Variants in SCFD2 observed in about 807,000 individuals in gnomAD.
SCFD2 encodes sec1 family domain-containing protein 2.
SCFD2 carries 54 observed loss-of-function variants against 58.9 expected under a neutral mutation model. The observed-to-expected ratio is 0.92, with a 90% CI of 0.74 to 1.15. SCFD2 has a LOEUF of 1.15. Among genes scored for constraint, SCFD2 ranks in the 50% most tolerant of loss-of-function variants. SCFD2 has a pLI of 0.00. For missense variants in SCFD2, 805 were observed against 836.6 expected (o/e 0.96, Z 0.47); for synonymous variants, 321 against 335.9 (o/e 0.96, Z 0.49).
intron 5 of SCFD2, among the ~76,000 whole-genome samples, chr4:53,123,677 A>G (rs1725547739): frequency 6.6e-6 from 1 of 152,190 alleles, no homozygotes. Context: ...CCACTCATTG[A>G]CCTAGGACCT....
intron 5 of SCFD2, among the ~76,000 whole-genome samples, chr4:53,083,685 A>G (rs1213762093): frequency 6.6e-6 from 1 of 152,186 alleles, no homozygotes; most frequent in Non-Finnish European, 1.5e-5. Context: ...AAATAAAGAG[A>G]GACAGTACAA....
chr4:53,208,335 T>C (rs1333166577), intron 4 of SCFD2, among the ~76,000 whole-genome samples: 2 of 152,130 alleles, frequency 1.3e-5, no homozygotes, highest in Non-Finnish European at 2.9e-5. Flanking sequence ...TAAGCAAGTT[T>C]ATTGAGCGAA....
At chr4:53,268,089 A>G (rs1731045942) in intron 4 of SCFD2, among the ~76,000 whole-genome samples, 1 of 152,102 alleles carries the variant, frequency 6.6e-6, no homozygotes, top group Admixed American at 6.5e-5. Context: ...AGGGCACAAT[A>G]GTGGCTTAGG....
chr4:53,325,937 G>C lies in SCFD2; in HGVS notation c.1008-12174C>G, dbSNP rs1412379752. Among the ~76,000 whole-genome samples the C allele has an allele frequency of 3.3e-5, 5 of 151,988 alleles. No individual in the cohort carries two copies. The East Asian group carries it at 9.6e-4, about 29-fold the overall frequency. On this transcript the variant is annotated intron_variant, in intron 2 of 8. Coordinates refer to ENST00000401642, the MANE Select transcript of SCFD2 (RefSeq NM_152540.4). The stretch of plus-strand genomic sequence containing the variant: ...CTAAAGAAGAAAACACCAAGACATG[G>C]AAAAGTATAAGAAAAAATGGCAAAC...
At chr4:53,146,746 GAGAT>G in intron 4 of SCFD2, among the ~76,000 whole-genome samples, 1 of 152,202 alleles carries the variant, frequency 6.6e-6, no homozygotes, top group East Asian at 1.9e-4. Flanking sequence ...TTTTGAGACA[GAGAT>G]AGAGAGAGAC....
intron 2 of SCFD2, among the ~76,000 whole-genome samples, chr4:53,340,942 C>T (rs567176058): frequency 7.9e-5 from 12 of 152,304 alleles, no homozygotes; most frequent in Admixed American, 2.0e-4. Flanking sequence ...AGGACATCCA[C>T]ACCAAAACCC....
chr4:53,227,494 A>G (rs1399464022), intron 4 of SCFD2, among the ~76,000 whole-genome samples: 2 of 152,190 alleles, frequency 1.3e-5, no homozygotes, highest in African/African-American at 4.8e-5. Context: ...GAATCTTGGT[A>G]TAAAAACGGC....
intron 5 of SCFD2, among the ~76,000 whole-genome samples, chr4:53,058,186 T>G (rs1369874688): frequency 6.6e-6 from 1 of 152,186 alleles, no homozygotes; most frequent in Non-Finnish European, 1.5e-5. Context: ...GATAATTTTA[T>G]TATGTGCTAC....
chr4:53,161,436 AAAT>A (rs1159916455), intron 4 of SCFD2, among the ~76,000 whole-genome samples: 3 of 152,238 alleles, frequency 2.0e-5, no homozygotes. Context: ...AGAATTCATC[AAAT>A]AATCTAATTC....
At chr4:52,973,548 C>T (rs1017733769) in intron 5 of SCFD2, among the ~76,000 whole-genome samples, 1 of 151,496 alleles carries the variant, frequency 6.6e-6, no homozygotes, top group Non-Finnish European at 1.5e-5. Flanking sequence ...ACCAAAAAAA[C>T]TCCAGGACCA....
At chr4:53,315,180 C>G (rs1224046058) in intron 2 of SCFD2, among the ~76,000 whole-genome samples, 4 of 109,410 alleles carry the variant, frequency 3.7e-5, no homozygotes, top group African/African-American at 1.5e-4. Flanking sequence ...TGAGCAAGTA[C>G]AAAGATACAT....
In SCFD2 at chr4:53,301,431, C is replaced by T. The variant is rs1014915741; in HGVS notation, c.1135+12205G>A. ...GTTGAATCTCTGAATAGACCAATAA[C>T]AGGCTCTGAAATTGAGGCAATAATT... On this transcript the variant is annotated intron_variant, in intron 3 of 8. Transcript: ENST00000401642. Among the ~76,000 whole-genome samples the T allele has an allele frequency of 2.6e-4, 40 of 151,926 alleles. 1 individual carries two copies. Among genetic ancestry groups the T allele is most frequent in the African/African-American group, 9.2e-4 (38 of 41,208 alleles).
At chr4:53,064,726 TA>T (rs1723608625) in intron 5 of SCFD2, among the ~76,000 whole-genome samples, 1 of 152,102 alleles carries the variant, frequency 6.6e-6, no homozygotes, top group Non-Finnish European at 1.5e-5. Flanking sequence ...AGTCTTAAAA[TA>T]TCTCCTTATG....
chr4:52,945,214 AAG>A (rs2109519760), intron 5 of SCFD2, among the ~76,000 whole-genome samples: 1 of 152,316 alleles, frequency 6.6e-6, no homozygotes, highest in African/African-American at 2.4e-5. Flanking sequence ...AAATTAGAAA[AAG>A]AGATCTCAAG....
At position 53,233,615 on chromosome 4, in the gene SCFD2, T is replaced by C. The variant is rs115149027; in HGVS notation, c.1311+40211A>G. On this transcript the variant is annotated intron_variant, in intron 4 of 8. Coordinates refer to ENST00000401642, the MANE Select transcript of SCFD2 (RefSeq NM_152540.4). ...CATAGCCTATATATTCGACTCTCAT[T>C]TTCTGATCAGATGCTTGGCACAGAT... Among the ~76,000 whole-genome samples, 413 of 152,304 alleles carry C rather than the reference T, an allele frequency of 2.7e-3. 1 individual carries two copies. The highest frequency in any genetic ancestry group is 9.5e-3 in the African/African-American group (395 of 41,574).
At chr4:53,097,634 C>G (rs1724695472) in intron 5 of SCFD2, among the ~76,000 whole-genome samples, 1 of 152,168 alleles carries the variant, frequency 6.6e-6, no homozygotes, top group South Asian at 2.1e-4. Context: ...ATGGGGTTTT[C>G]TAAATACACA....
intron 3 of SCFD2, among the ~76,000 whole-genome samples, chr4:53,282,192 CT>C (rs1366666850): frequency 6.6e-6 from 1 of 152,048 alleles, no homozygotes; most frequent in Non-Finnish European, 1.5e-5. Flanking sequence ...CTCAGTAAGC[CT>C]ATTTAATTTG....
intron 1 of SCFD2, among the ~76,000 whole-genome samples, chr4:53,354,755 A>G (rs1311575559): frequency 6.6e-6 from 1 of 152,140 alleles, no homozygotes; most frequent in Admixed American, 6.5e-5. Context: ...CTGAAATTTT[A>G]AAGCTGAATT....
At chr4:53,260,421 G>A (rs918600131) in intron 4 of SCFD2, among the ~76,000 whole-genome samples, 1 of 152,156 alleles carries the variant, frequency 6.6e-6, no homozygotes, top group Non-Finnish European at 1.5e-5. Context: ...TGATTTTGCT[G>A]AGGGTTTAAT....
Sources: gnomAD v4.1 joint callset for allele counts (sites outside exome capture counted in the v4.1 genomes callset) on GRCh38, gnomAD v4.1.1 for gene constraint, MANE v1.5 for transcripts, NCBI Gene and HGNC (gene_info 2026-07-23, HGNC 2026-07-21) for gene names.